PPP1CB: variants seen among roughly 807,000 people sequenced by gnomAD.
The protein encoded by PPP1CB is protein phosphatase 1 catalytic subunit beta, also known as serine/threonine-protein phosphatase PP1-beta catalytic subunit.
A neutral mutation model predicts 43.7 loss-of-function variants in PPP1CB; 2 were observed. The ratio of observed to expected loss-of-function variants is 0.05; its 90% CI spans 0.02 to 0.14. The LOEUF is 0.14. Ranked by LOEUF, PPP1CB falls within the 10% of genes least tolerant of loss-of-function variation. The pLI is 1.00. For missense variants in PPP1CB, 84 were observed against 398.0 expected (o/e 0.21, Z 6.71); for synonymous variants, 136 against 135.6 (o/e 1.00, Z -0.02).
chr2:28,792,037 C>T (rs768465680), intron 6 of PPP1CB, among the ~76,000 whole-genome samples: 4 of 151,418 alleles, frequency 2.6e-5, no homozygotes, highest in Admixed American at 2.6e-4. Flanking sequence ...AACCCTGTCT[C>T]TACAAAAAAA....
At chr2:28,780,826 C>T (rs768290176) in intron 3 of PPP1CB, among the ~76,000 whole-genome samples, 7 of 152,104 alleles carry the variant, frequency 4.6e-5, no homozygotes, top group South Asian at 2.1e-4. Flanking sequence ...TTGTCTTTGT[C>T]GTAGCTTTTT....
chr2:28,756,514 T>TC (rs370985970), intron 1 of PPP1CB, among the ~76,000 whole-genome samples: 3 of 152,230 alleles, frequency 2.0e-5, no homozygotes, highest in Non-Finnish European at 4.4e-5. Context: ...TTTTAACTTT[T>TC]CCTATTCAAG....
chr2:28,796,131 C>G (rs1267470489), intron 7 of PPP1CB, among the ~76,000 whole-genome samples: 5 of 152,064 alleles, frequency 3.3e-5, no homozygotes, highest in Non-Finnish European at 7.4e-5. Context: ...GCTCCTCCAT[C>G]CTGTTCCATT....
intron 1 of PPP1CB, among the ~76,000 whole-genome samples, chr2:28,763,169 A>G (rs1666696015): frequency 6.6e-6 from 1 of 152,216 alleles, no homozygotes; most frequent in African/African-American, 2.4e-5. Flanking sequence ...GTACTTTGGG[A>G]TGGAGCAGGA....
At position 28,759,520 on chromosome 2, in the gene PPP1CB, C is replaced by CAAA. The variant is rs559532367; in HGVS notation, c.52+7368_52+7370dup. ...GGGCGAAAGAGTGAGACTGCATCTCCAAAAAAAAAAAAAAAAAAAAAAAAA... is the reference window on the plus strand; with the variant it reads ...GGGCGAAAGAGTGAGACTGCATCTCCAAAAAAAAAAAAAAAAAAAAAAAAAAAA... On this transcript the variant is annotated intron_variant, in intron 1 of 7. Transcript: ENST00000395366. Among the ~76,000 whole-genome samples the CAAA allele has an allele frequency of 1.4e-4, 14 of 100,812 alleles. No individual in the cohort carries two copies. The East Asian group carries it at 3.4e-3, about 25-fold the overall frequency. 66.1% of individuals were successfully genotyped at this position (100,812 alleles called of 152,430 possible).
intron 2 of PPP1CB, 124 bp downstream of exon 2, chr2:28,777,106 A>G (rs911985714): frequency 1.0e-6 from 1 of 991,390 alleles, no homozygotes; most frequent in Non-Finnish European, 1.4e-6. Context: ...TTTACTAAAT[A>G]AAAGTGTATA....
At chr2:28,785,880 A>C (rs1384069194) in intron 5 of PPP1CB, among the ~76,000 whole-genome samples, 1 of 152,080 alleles carries the variant, frequency 6.6e-6, no homozygotes, top group African/African-American at 2.4e-5. Flanking sequence ...CATTCTTCAG[A>C]ATATCTGTTT....
At position 28,756,124 on chromosome 2, in the gene PPP1CB, C is replaced by T. The variant is rs575935142; in HGVS notation, c.52+3948C>T. 2.6e-5 allele frequency among the ~76,000 whole-genome samples: 4 copies of T among 152,210 alleles called. 1 individual carries two copies. In the South Asian group the frequency reaches 8.3e-4, roughly 32 times the overall value. The stretch of plus-strand genomic sequence containing the variant: ...TGTAGTATTACATCATGAACATTTT[C>T]CCTTGTCATTGAAATGTCTTCAAAA... On this transcript the variant is annotated intron_variant, in intron 1 of 7. Transcript: ENST00000395366.
At chr2:28,782,597 G>A (rs1667177555) in intron 4 of PPP1CB, 1 of 152,228 alleles carries the variant, frequency 6.6e-6, no homozygotes, top group Non-Finnish European at 1.5e-5. Flanking sequence ...AAGGACTTGA[G>A]ACACTCTTTG....
intron 1 of PPP1CB, among the ~76,000 whole-genome samples, chr2:28,765,456 G>A (rs1284009489): frequency 6.6e-6 from 1 of 152,240 alleles, no homozygotes; most frequent in Non-Finnish European, 1.5e-5. Context: ...TTAGGTGGAA[G>A]CTCCTCGGCT....
At chr2:28,771,167 C>T (rs1666904836) in intron 1 of PPP1CB, among the ~76,000 whole-genome samples, 1 of 151,378 alleles carries the variant, frequency 6.6e-6, no homozygotes, top group Non-Finnish European at 1.5e-5. Context: ...GATTCTCCTG[C>T]CTCAGCCTCC....
At chr2:28,796,002 G>C (rs906508321) in intron 7 of PPP1CB, among the ~76,000 whole-genome samples, 1 of 152,106 alleles carries the variant, frequency 6.6e-6, no homozygotes, top group Non-Finnish European at 1.5e-5. Context: ...TCAGTCTTCT[G>C]CATATGGCTA....
chr2:28,753,089 G>T (rs186284359), intron 1 of PPP1CB, among the ~76,000 whole-genome samples: 5 of 152,296 alleles, frequency 3.3e-5, no homozygotes, highest in African/African-American at 1.2e-4. Context: ...TTCATTGCAG[G>T]ATATTATTCA....
intron 1 of PPP1CB, among the ~76,000 whole-genome samples, chr2:28,756,602 A>G (rs1170125728): frequency 2.0e-5 from 3 of 151,952 alleles, no homozygotes; most frequent in South Asian, 2.1e-4. Flanking sequence ...TTCTGCCTCA[A>G]CCTCCCTAGT....
intron 1 of PPP1CB, 93 bp from the exon 2 acceptor site, chr2:28,776,757 CT>C: frequency 8.1e-7 from 1 of 1,231,192 alleles, no homozygotes; most frequent in Non-Finnish European, 1.1e-6. Flanking sequence ...GCCTGTGTGA[CT>C]TTTCTGATTT....
At chr2:28,788,600 C>CGAA in intron 5 of PPP1CB, 58 bp from the exon 6 acceptor site, 1 of 1,535,908 alleles carries the variant, frequency 6.5e-7, no homozygotes, top group Non-Finnish European at 8.9e-7. Context: ...TGTAGATGTG[C>CGAA]TATATTCTAT....
At chr2:28,752,664 C>T (rs1377270293) in intron 1 of PPP1CB, among the ~76,000 whole-genome samples, 2 of 152,182 alleles carry the variant, frequency 1.3e-5, no homozygotes, top group African/African-American at 4.8e-5. Flanking sequence ...ATAAACCTGT[C>T]CTTAACAGGA....
chr2:28,761,173 A>G (rs1047720858), intron 1 of PPP1CB, among the ~76,000 whole-genome samples: 1 of 152,142 alleles, frequency 6.6e-6, no homozygotes, highest in Non-Finnish European at 1.5e-5. Context: ...TACTGGGGTG[A>G]GCCACCGCGC....
chr2:28,772,356 T>A (rs1666933074), intron 1 of PPP1CB, among the ~76,000 whole-genome samples: 1 of 152,074 alleles, frequency 6.6e-6, no homozygotes, highest in East Asian at 1.9e-4. Flanking sequence ...TCAAATTAAA[T>A]CCAACGAATA....
Sources: allele counts gnomAD v4.1 joint callset (sites outside exome capture counted in the v4.1 genomes callset), GRCh38; gene constraint gnomAD v4.1.1; transcripts MANE v1.5; gene names NCBI Gene and HGNC (gene_info 2026-07-23, HGNC 2026-07-21).